TRIM66: variants seen among roughly 807,000 people sequenced by gnomAD.
TRIM66 encodes tripartite motif-containing protein 66.
TRIM66 carries 99 observed loss-of-function variants against 148.2 expected under a neutral mutation model. The observed-to-expected ratio is 0.67, with a 90% CI of 0.57 to 0.79. The LOEUF (loss-of-function observed/expected upper bound fraction) is 0.79, where lower values mean the gene tolerates loss of function less well. Among genes scored for constraint, TRIM66 ranks in the 30% least tolerant of loss-of-function variants. TRIM66 has a pLI of 0.00. For missense variants in TRIM66, 1,666 were observed against 1,697.9 expected (o/e 0.98, Z 0.33); for synonymous variants, 616 against 635.9 (o/e 0.97, Z 0.47).
At chr11:8,666,144 CTGGCCAATA>C (rs2038576838) in intron 6 of TRIM66, among the ~76,000 whole-genome samples, 1 of 151,028 alleles carries the variant, frequency 6.6e-6, no homozygotes, top group Non-Finnish European at 1.5e-5. Flanking sequence ...TGAGACCAGC[CTGGCCAATA>C]TGGCGAAACC....
chr11:8,674,350 T>C (rs1012777477), intron 4 of TRIM66, among the ~76,000 whole-genome samples: 1 of 152,224 alleles, frequency 6.6e-6, no homozygotes, highest in African/African-American at 2.4e-5. Context: ...AACATACTTT[T>C]TGGAAAAAAT....
chr11:8,636,806 C>A (rs1381021128), intron 15 of TRIM66, among the ~76,000 whole-genome samples: 4 of 152,122 alleles, frequency 2.6e-5, no homozygotes, highest in Non-Finnish European at 5.9e-5. Context: ...TCTGGAAGTC[C>A]TTCACTTACT....
chr11:8,620,672 G>T, intron 20 of TRIM66, 100 bp from the exon 21 acceptor site: 1 of 1,456,620 alleles, frequency 6.9e-7, no homozygotes, highest in Non-Finnish European at 9.1e-7. Flanking sequence ...CTGAGTCTCC[G>T]GCTTTGCCGT....
At position 8,638,784 on chromosome 11, in the gene TRIM66, G is replaced by C. The variant is rs2036119549; in HGVS notation, c.2180C>G (p.Ser727Ter). 5.2e-6 allele frequency: 8 copies of C among 1,551,382 alleles called. No individual in the cohort carries two copies. The highest frequency in any genetic ancestry group is 7.0e-6 in the Non-Finnish European group (8 of 1,146,850). ...ATDEPPASQG[S>*]KPALPLDKNT... ...CTTGTCAAGAGGGAGAGCCGGCTTT[G>C]AGCCCTGAGATGCTGGGGGCTCATC... The change falls in exon 15 of 25, where the codon TCA becomes TGA. Residue 727 changes from serine to a stop codon, truncating the protein, a stop_gained. Coordinates refer to ENST00000646038, the MANE Select transcript of TRIM66 (RefSeq NM_001388022.1). LOFTEE classifies it high-confidence loss of function.
chr11:8,620,668 C>A, intron 20 of TRIM66, 96 bp from the exon 21 acceptor site: 1 of 1,477,130 alleles, frequency 6.8e-7, no homozygotes, highest in Admixed American at 2.5e-5. Context: ...GAAACTGAGT[C>A]TCCGGCTTTG....
intron 3 of TRIM66, among the ~76,000 whole-genome samples, chr11:8,676,375 A>G (rs2039177223): frequency 6.6e-6 from 1 of 152,212 alleles, no homozygotes; most frequent in African/African-American, 2.4e-5. Context: ...GAAAAGATCA[A>G]ATAACACGTT....
At chr11:8,629,486 C>T (rs2035187576) in intron 15 of TRIM66, among the ~76,000 whole-genome samples, 1 of 152,160 alleles carries the variant, frequency 6.6e-6, no homozygotes, top group Admixed American at 6.5e-5. Flanking sequence ...TGGTCAGGTG[C>T]CATACGTCAC....
At chr11:8,622,948 C>T (rs1565478702) in intron 17 of TRIM66, 72 bp from the exon 18 acceptor site, 8 of 1,271,958 alleles carry the variant, frequency 6.3e-6, no homozygotes, top group Non-Finnish European at 9.0e-6. Flanking sequence ...ATATCTTCTA[C>T]TTATATCTGC....
chr11:8,677,303 A>C (rs2039220307), intron 3 of TRIM66, among the ~76,000 whole-genome samples: 3 of 152,206 alleles, frequency 2.0e-5, no homozygotes, highest in Non-Finnish European at 2.9e-5. Context: ...GTCTTAGGGA[A>C]GGACTTTTGT....
intron 15 of TRIM66, among the ~76,000 whole-genome samples, chr11:8,629,057 A>C (rs556951827): frequency 6.6e-6 from 1 of 152,210 alleles, no homozygotes; most frequent in Non-Finnish European, 1.5e-5. Flanking sequence ...GTTGAAGAGA[A>C]GCAAGGTGGA....
intron 15 of TRIM66, 25 bp from the exon 16 acceptor site, chr11:8,625,253 G>A (rs1015053073): frequency 4.1e-6 from 6 of 1,468,356 alleles, no homozygotes; most frequent in Middle Eastern, 4.6e-4. Flanking sequence ...ACAAGGGGTA[G>A]AGTCAGGCTG....
intron 6 of TRIM66, among the ~76,000 whole-genome samples, chr11:8,664,046 G>A (rs1405689063): frequency 6.6e-6 from 1 of 152,206 alleles, no homozygotes; most frequent in Non-Finnish European, 1.5e-5. Flanking sequence ...GCAGGAGTCA[G>A]TTCAAGAGAT....
Position 8,614,903 on chromosome 11 carries a change from AAG to A in TRIM66, c.*3039_*3040del, listed in dbSNP as rs2033627929. On this transcript the variant is annotated 3_prime_UTR_variant, in exon 25 of 25. Transcript: ENST00000646038. ...GGGCTAACCTAACCATGTTCTGTGGAAGAGTGCTCTGCAAGTTCATCCTGAAC... is the reference window on the plus strand; with the variant it reads ...GGGCTAACCTAACCATGTTCTGTGGAAGTGCTCTGCAAGTTCATCCTGAAC... 1 of 152,222 alleles carries A rather than the reference AAG, an allele frequency of 6.6e-6. No homozygotes were observed. The highest frequency in any genetic ancestry group is 2.1e-4 in the South Asian group (1 of 4,834). 9.4% of individuals were successfully genotyped at this position (152,222 alleles called of 1,614,324 possible). A position where few individuals can be genotyped will look rare whatever the true frequency, so the allele number is the denominator to read the frequency against.
In TRIM66 at chr11:8,647,569, G is replaced by T. The variant is rs2036976657; in HGVS notation, c.842+401C>A. Among the ~76,000 whole-genome samples, 3 of 152,198 alleles carry T rather than the reference G, an allele frequency of 2.0e-5. No homozygotes were observed. The South Asian group carries it at 6.2e-4, about 32-fold the overall frequency. ...AAATACCAATGATTTCATGTGACTT[G>T]TAGATTTACAGAGAACACACAGGGA... On this transcript the variant is annotated intron_variant, in intron 10 of 24. Transcript: ENST00000646038.
At chr11:8,645,957 G>C in intron 11 of TRIM66, 70 bp from the exon 12 acceptor site, 9 of 1,480,370 alleles carry the variant, frequency 6.1e-6, no homozygotes, top group Non-Finnish European at 8.2e-6. Context: ...TGGGAAGTCT[G>C]GTGGCTTGTG....
At chr11:8,644,627 C>T (rs918357439) in intron 12 of TRIM66, among the ~76,000 whole-genome samples, 10 of 152,148 alleles carry the variant, frequency 6.6e-5, no homozygotes, top group South Asian at 6.2e-4. Context: ...CCCCACCACA[C>T]ACCCCTCCTC....
At chr11:8,650,815 A>C (rs2037294444) in intron 7 of TRIM66, among the ~76,000 whole-genome samples, 1 of 152,226 alleles carries the variant, frequency 6.6e-6, no homozygotes, top group African/African-American at 2.4e-5. Flanking sequence ...AAATGTTGTA[A>C]CAGAGGGAAA....
chr11:8,660,810 T>A (rs928302483), intron 6 of TRIM66, among the ~76,000 whole-genome samples: 4 of 152,182 alleles, frequency 2.6e-5, no homozygotes, highest in African/African-American at 9.6e-5. Context: ...TTGTGTAGGA[T>A]GTTTCAAGCA....
chr11:8,643,079 A>T lies in TRIM66; in HGVS notation c.1152T>A (p.Asp384Glu). The change falls in exon 13 of 25, where the codon GAT becomes GAA. Residue 384 changes from aspartate to glutamate, a missense_variant. By Grantham distance (45) the Asp-to-Glu change is conservative. Transcript: ENST00000646038. ...ATCTGATACTCCAAGGGGAGCCAGG[A>T]TCTGTGTTACAACTTGTCTCCAGCA... ...QRLLETSCNTDPGSPWSIRFT... is the reference protein window; with the variant it reads ...QRLLETSCNTEPGSPWSIRFT... The T allele has an allele frequency of 6.4e-7, 1 of 1,551,382 alleles. No homozygotes were observed. The highest frequency in any genetic ancestry group is 8.7e-7 in the Non-Finnish European group (1 of 1,146,880).
Sources: allele counts gnomAD v4.1 joint callset (sites outside exome capture counted in the v4.1 genomes callset), GRCh38; gene constraint gnomAD v4.1.1; transcripts MANE v1.5; gene names NCBI Gene and HGNC (gene_info 2026-07-23, HGNC 2026-07-21).